The following OPCML variants were observed in gnomAD, a reference collection of about 807,000 sequenced individuals.
OPCML encodes the protein opioid binding protein/cell adhesion molecule like.
Under a neutral mutation model 37.8 loss-of-function variants are expected in OPCML, and 13 were observed. The observed-to-expected ratio is 0.34, with a 90% CI of 0.22 to 0.55. The LOEUF (loss-of-function observed/expected upper bound fraction) is 0.55, where lower values mean the gene tolerates loss of function less well. Ranked by LOEUF, OPCML falls within the 20% of genes least tolerant of loss-of-function variation. The pLI is 0.91. For synonymous variants in OPCML, 176 were observed against 168.8 expected, an observed-to-expected ratio of 1.04 and a Z score of -0.33; for missense variants, 341 against 435.6, an observed-to-expected ratio of 0.78 and a Z score of 1.93.
intron 3 of OPCML, among the ~76,000 whole-genome samples, chr11:132,569,432 C>A (rs999269795): frequency 5.9e-5 from 9 of 152,154 alleles, no homozygotes; most frequent in African/African-American, 2.2e-4. Context: ...GCTACCCATT[C>A]TCTGGCAGGC....
chr11:133,501,021 A>C (rs936148878), intron 1 of OPCML, among the ~76,000 whole-genome samples: 1 of 152,074 alleles, frequency 6.6e-6, no homozygotes. Context: ...GCAGAAAAGA[A>C]AAAACAAAAA....
chr11:133,248,313 G>T (rs962873118), intron 1 of OPCML, among the ~76,000 whole-genome samples: 8 of 152,238 alleles, frequency 5.3e-5, no homozygotes, highest in Non-Finnish European at 1.0e-4. Flanking sequence ...CTGTGGGTTA[G>T]GGCGTACCTT....
chr11:132,499,752 A>C (rs2096241682), intron 4 of OPCML, among the ~76,000 whole-genome samples: 2 of 152,202 alleles, frequency 1.3e-5, no homozygotes, highest in African/African-American at 4.8e-5. Flanking sequence ...GATGCAAGGA[A>C]TAATTACTTT....
At chr11:132,468,949 T>G (rs913851179) in intron 4 of OPCML, among the ~76,000 whole-genome samples, 1 of 152,208 alleles carries the variant, frequency 6.6e-6, no homozygotes, top group African/African-American at 2.4e-5. Flanking sequence ...TGTCTAGAAT[T>G]ATGCTCATTG....
At chr11:132,917,296 C>CT (rs1013370321) in intron 2 of OPCML, among the ~76,000 whole-genome samples, 147 of 152,260 alleles carry the variant, frequency 9.7e-4, no homozygotes, top group African/African-American at 3.4e-3. Flanking sequence ...TAGCTATGGC[C>CT]TTTTTTTATC....
At chr11:132,973,187 A>T (rs1177838960) in intron 1 of OPCML, among the ~76,000 whole-genome samples, 1 of 152,162 alleles carries the variant, frequency 6.6e-6, no homozygotes, top group African/African-American at 2.4e-5. Context: ...CTAGATTTTA[A>T]GACAAATGTC....
intron 1 of OPCML, among the ~76,000 whole-genome samples, chr11:133,413,782 C>T (rs773430553): frequency 9.9e-5 from 15 of 152,090 alleles, no homozygotes; most frequent in African/African-American, 2.9e-4. Flanking sequence ...TAATTAAAAC[C>T]GACAAGAGTG....
chr11:133,329,116 C>T (rs1338260558), intron 1 of OPCML, among the ~76,000 whole-genome samples: 1 of 152,042 alleles, frequency 6.6e-6, no homozygotes, highest in African/African-American at 2.4e-5. Flanking sequence ...TCTAGGAATC[C>T]AACTTACAAG....
chr11:133,528,447 C>T (rs906424535), intron 1 of OPCML, among the ~76,000 whole-genome samples: 3 of 152,202 alleles, frequency 2.0e-5, no homozygotes, highest in Admixed American at 6.5e-5. Flanking sequence ...CACTAGACCC[C>T]TTGTGCACAT....
At chr11:132,856,162 TTAG>T (rs1472254274) in intron 2 of OPCML, among the ~76,000 whole-genome samples, 2 of 152,136 alleles carry the variant, frequency 1.3e-5, no homozygotes, top group Non-Finnish European at 2.9e-5. Context: ...TGTTATTAGG[TTAG>T]TAGATTAGAA....
intron 2 of OPCML, among the ~76,000 whole-genome samples, chr11:132,938,938 A>G (rs1945483884): frequency 6.6e-6 from 1 of 152,188 alleles, no homozygotes; most frequent in Non-Finnish European, 1.5e-5. Flanking sequence ...GACATCATCA[A>G]TCTGGGAGAC....
At chr11:132,633,553 A>G (rs1309629171) in intron 3 of OPCML, among the ~76,000 whole-genome samples, 1 of 152,168 alleles carries the variant, frequency 6.6e-6, no homozygotes, top group Non-Finnish European at 1.5e-5. Flanking sequence ...AAGTGCGAGG[A>G]GGCCCCAGGC....
intron 4 of OPCML, among the ~76,000 whole-genome samples, chr11:132,489,379 A>G (rs1045388855): frequency 1.3e-5 from 2 of 152,192 alleles, no homozygotes; most frequent in African/African-American, 2.4e-5. Context: ...TAAAAAATAT[A>G]TAAGTAAAAG....
At chr11:133,514,252 T>C (rs1376290750) in intron 1 of OPCML, among the ~76,000 whole-genome samples, 2 of 152,204 alleles carry the variant, frequency 1.3e-5, no homozygotes, top group Admixed American at 1.3e-4. Context: ...CCTTCACACA[T>C]GCCTTCTGCA....
intron 2 of OPCML, among the ~76,000 whole-genome samples, chr11:132,661,525 T>C (rs533805057): frequency 2.0e-5 from 3 of 152,244 alleles, no homozygotes; most frequent in Admixed American, 1.3e-4. Flanking sequence ...TCAGGCTCCT[T>C]CCCTGCTGTC....
intron 6 of OPCML, 135 bp downstream of exon 6, chr11:132,436,524 T>C: frequency 2.1e-6 from 3 of 1,454,568 alleles, no homozygotes; most frequent in Non-Finnish European, 2.7e-6. Flanking sequence ...AAAAATAGAC[T>C]TTGTTACAAA....
intron 2 of OPCML, among the ~76,000 whole-genome samples, chr11:132,787,936 A>T (rs926686065): frequency 1.3e-5 from 2 of 152,152 alleles, no homozygotes; most frequent in African/African-American, 2.4e-5. Flanking sequence ...GCTGGTGTGC[A>T]GTGGTGCAAT....
At chr11:133,410,505 G>T (rs1300211955) in intron 1 of OPCML, among the ~76,000 whole-genome samples, 1 of 151,426 alleles carries the variant, frequency 6.6e-6, no homozygotes, top group Non-Finnish European at 1.5e-5. Flanking sequence ...TTGCTCCCTC[G>T]AGAAAGGCTG....
chr11:132,718,126 T>A (rs150830270), intron 2 of OPCML, among the ~76,000 whole-genome samples: 1 of 152,242 alleles, frequency 6.6e-6, no homozygotes, highest in East Asian at 1.9e-4. Context: ...TATCTCAGGC[T>A]CAGTGTCTCC....
Sources: allele counts gnomAD v4.1 joint callset (sites outside exome capture counted in the v4.1 genomes callset), GRCh38; gene constraint gnomAD v4.1.1; transcripts MANE v1.5; gene names NCBI Gene and HGNC (gene_info 2026-07-23, HGNC 2026-07-21).